The following CALN1 variants were observed in gnomAD, a reference collection of about 807,000 sequenced individuals.
The protein encoded by CALN1 is calcium-binding protein 8.
Under a neutral mutation model 30.6 loss-of-function variants are expected in CALN1, and 17 were observed. The ratio of observed to expected loss-of-function variants is 0.56; its 90% CI spans 0.38 to 0.83. The LOEUF is 0.83. Ranked by LOEUF, CALN1 falls within the 40% of genes least tolerant of loss-of-function variation. CALN1 has a pLI of 0.00. For synonymous variants in CALN1, 156 were observed against 131.4 expected (o/e 1.19, Z -1.28); for missense variants, 291 against 354.9 (o/e 0.82, Z 1.45).
At chr7:72,495,490 C>T in the CALN1 span, among the ~76,000 whole-genome samples, 1 of 152,212 alleles carries the variant, frequency 6.6e-6, no homozygotes, top group Non-Finnish European at 1.5e-5. Context: ...GGGAACAAGG[C>T]ACAGTCTTTG....
intron 3 of CALN1, among the ~76,000 whole-genome samples, chr7:72,177,911 G>T (rs1407069734): frequency 6.6e-6 from 1 of 152,024 alleles, no homozygotes; most frequent in African/African-American, 2.4e-5. Context: ...CCTCCACCCG[G>T]TGCTGATCCA....
At chr7:72,278,665 C>A (rs912110513) in intron 3 of CALN1, 21 bp downstream of exon 3, 16 of 1,599,534 alleles carry the variant, frequency 1.0e-5, no homozygotes, top group Middle Eastern at 1.7e-4. Context: ...GCCATCCCCC[C>A]AAACAGGGTA....
intron 3 of CALN1, among the ~76,000 whole-genome samples, chr7:72,142,015 A>C (rs1028204337): frequency 4.6e-5 from 7 of 152,178 alleles, no homozygotes; most frequent in Non-Finnish European, 1.5e-5. Flanking sequence ...GCCGAATAGG[A>C]ACAGCTCCAG....
intron 2 of CALN1, among the ~76,000 whole-genome samples, chr7:72,344,706 T>C (rs1483798981): frequency 2.0e-5 from 3 of 147,350 alleles, no homozygotes; most frequent in Non-Finnish European, 4.5e-5. Context: ...TTTTTATTTA[T>C]ATATGCTTAT....
intron 4 of CALN1, among the ~76,000 whole-genome samples, chr7:72,067,063 A>G (rs1157197891): frequency 6.6e-6 from 1 of 151,910 alleles, no homozygotes; most frequent in Non-Finnish European, 1.5e-5. Context: ...TGCTGGGATT[A>G]CAGGTGTGAG....
At chr7:72,101,491 T>A (rs763845590) in intron 4 of CALN1, among the ~76,000 whole-genome samples, 1 of 152,154 alleles carries the variant, frequency 6.6e-6, no homozygotes, top group Non-Finnish European at 1.5e-5. Flanking sequence ...TACAAAGACA[T>A]GGTGAGTCAC....
At chr7:72,028,075 A>C (rs866104434) in intron 4 of CALN1, among the ~76,000 whole-genome samples, 5 of 151,154 alleles carry the variant, frequency 3.3e-5, no homozygotes, top group African/African-American at 4.8e-5. Context: ...AAAAAAAAAA[A>C]AAAAAAAAAA....
intron 1 of CALN1, among the ~76,000 whole-genome samples, chr7:72,438,666 C>T (rs1808252226): frequency 2.0e-5 from 3 of 152,116 alleles, no homozygotes; most frequent in Non-Finnish European, 4.4e-5. Flanking sequence ...ACTCCAGGAA[C>T]CTGGCTGGCT....
At chr7:72,301,863 G>C (rs1334979755) in intron 2 of CALN1, among the ~76,000 whole-genome samples, 1 of 152,222 alleles carries the variant, frequency 6.6e-6, no homozygotes, top group Admixed American at 6.5e-5. Flanking sequence ...ATCACATTCA[G>C]AAACGCCAGG....
intron 5 of CALN1, among the ~76,000 whole-genome samples, chr7:71,998,996 G>A: frequency 6.6e-6 from 1 of 152,110 alleles, no homozygotes; most frequent in East Asian, 1.9e-4. Context: ...GACTTACATA[G>A]ATAATTAACT....
intron 5 of CALN1, among the ~76,000 whole-genome samples, chr7:71,970,107 C>T (rs968551659): frequency 1.3e-5 from 2 of 152,040 alleles, no homozygotes; most frequent in African/African-American, 4.8e-5. Flanking sequence ...CCTTGGCCTC[C>T]GAAAGTGCTA....
At chr7:72,147,721 G>C (rs1429499841) in intron 3 of CALN1, among the ~76,000 whole-genome samples, 1 of 151,916 alleles carries the variant, frequency 6.6e-6, no homozygotes, top group African/African-American at 2.4e-5. Flanking sequence ...ATGATAGACT[G>C]GATTAAGAAA....
intron 3 of CALN1, among the ~76,000 whole-genome samples, chr7:72,144,022 T>C (rs1585031519): frequency 6.6e-6 from 1 of 152,092 alleles, no homozygotes; most frequent in South Asian, 2.1e-4. Flanking sequence ...TGCAAAAACA[T>C]GCCAAACTGT....
chr7:72,161,691 T>TC (rs1788121888), intron 3 of CALN1, among the ~76,000 whole-genome samples: 1 of 151,978 alleles, frequency 6.6e-6, no homozygotes, highest in African/African-American at 2.4e-5. Context: ...CCGCATGTTC[T>TC]CACTTGTAAG....
the CALN1 span, among the ~76,000 whole-genome samples, chr7:72,464,583 C>T: frequency 3.1e-3 from 470 of 152,250 alleles, 2 homozygotes; most frequent in African/African-American, 0.011. Flanking sequence ...GCAGTTAACC[C>T]TTTCTTAGAG....
intron 5 of CALN1, among the ~76,000 whole-genome samples, chr7:71,837,314 A>AACATAATT (rs1403764777): frequency 6.6e-6 from 1 of 150,864 alleles, no homozygotes; most frequent in Non-Finnish European, 1.5e-5. Context: ...TTAACCAGGT[A>AACATAATT]ACATAATTTA....
intron 3 of CALN1, among the ~76,000 whole-genome samples, chr7:72,177,899 C>T (rs559412014): frequency 1.3e-5 from 2 of 152,244 alleles, no homozygotes; most frequent in Admixed American, 6.5e-5. Context: ...CGTCCCTTAG[C>T]ACCTCCACCC....
At chr7:72,313,642 C>T (rs976132785) in intron 2 of CALN1, among the ~76,000 whole-genome samples, 2 of 152,126 alleles carry the variant, frequency 1.3e-5, no homozygotes, top group African/African-American at 4.8e-5. Context: ...AGCAATCCTC[C>T]CACCTTGGCC....
chr7:72,106,117 G>A (rs1807087851), intron 4 of CALN1, 34 bp downstream of exon 4: 1 of 1,607,192 alleles, frequency 6.2e-7, no homozygotes, highest in Admixed American at 1.7e-5. Context: ...ACCGGGGCAT[G>A]TCTCAGGGGA....
Sources: allele counts gnomAD v4.1 joint callset (sites outside exome capture counted in the v4.1 genomes callset), GRCh38; gene constraint gnomAD v4.1.1; transcripts MANE v1.5; gene names NCBI Gene and HGNC (gene_info 2026-07-23, HGNC 2026-07-21).